CSMD1: variants seen among roughly 807,000 people sequenced by gnomAD.
CSMD1 encodes CUB and sushi domain-containing protein 1.
CSMD1 carries 213 observed loss-of-function variants against 417.5 expected under a neutral mutation model. The observed-to-expected ratio is 0.51, with a 90% CI of 0.46 to 0.57. The LOEUF (loss-of-function observed/expected upper bound fraction) is 0.57. CSMD1 is among the 20% of genes least tolerant of loss of function. The pLI is 0.00. For missense variants in CSMD1, 6,923 were observed against 4,529.7 expected, an observed-to-expected ratio of 1.53 and a Z score of -15.17; for synonymous variants, 2,862 against 1,736.8, an observed-to-expected ratio of 1.65 and a Z score of -16.11.
At chr8:2,994,171 A>AAAAAAAAAAG (rs1320139624) in intron 54 of CSMD1, among the ~76,000 whole-genome samples, 2 of 131,318 alleles carry the variant, frequency 1.5e-5, no homozygotes, top group African/African-American at 5.9e-5. Flanking sequence ...AAAAAAAAAA[A>AAAAAAAAAAG]GCAAGAAGAA....
chr8:4,213,615 T>A (rs1398470005), intron 3 of CSMD1, among the ~76,000 whole-genome samples: 2 of 152,218 alleles, frequency 1.3e-5, no homozygotes, highest in Non-Finnish European at 2.9e-5. Context: ...GCTTTCTGTT[T>A]TTAATGAATT....
intron 11 of CSMD1, among the ~76,000 whole-genome samples, chr8:3,471,041 G>C (rs879630060): frequency 6.6e-6 from 1 of 152,164 alleles, no homozygotes; most frequent in Non-Finnish European, 1.5e-5. Flanking sequence ...AAAAGCGCAA[G>C]AGGGCAATAG....
chr8:2,940,721 G>A (rs916489167), intron 69 of CSMD1, among the ~76,000 whole-genome samples: 4 of 152,182 alleles, frequency 2.6e-5, no homozygotes, highest in East Asian at 1.9e-4. Flanking sequence ...ATATAATTAT[G>A]TGGGGTTATC....
At chr8:4,004,806 G>C (rs368118092) in intron 4 of CSMD1, among the ~76,000 whole-genome samples, 1 of 151,534 alleles carries the variant, frequency 6.6e-6, no homozygotes, top group African/African-American at 2.4e-5. Context: ...GTGCAGTGGC[G>C]CGATCTTGGC....
rs72507694 is a variant in CSMD1, at chr8:4,865,505, A to G, written c.85+128827T>C. 6.5e-3 allele frequency among the ~76,000 whole-genome samples: 985 copies of G among 151,916 alleles called. 33 individuals are homozygous for G. In the East Asian group the frequency reaches 0.11, roughly 17 times the overall value. ...CAGTAGGTTTCCTCGTACTTTAAAC[A>G]TGATGCAACAATATATTAGAAAATC... is the stretch of plus-strand genomic sequence containing the variant. On this transcript the variant is annotated intron_variant, in intron 1 of 69. Transcript: ENST00000635120.
intron 3 of CSMD1, among the ~76,000 whole-genome samples, chr8:4,311,814 T>C (rs1453278473): frequency 1.3e-5 from 2 of 150,466 alleles, no homozygotes; most frequent in Non-Finnish European, 2.9e-5. Flanking sequence ...GCCTAGTGGA[T>C]GGTGGAGAGT....
intron 1 of CSMD1, among the ~76,000 whole-genome samples, chr8:4,972,115 A>C (rs1411587637): frequency 6.6e-6 from 1 of 152,172 alleles, no homozygotes; most frequent in Non-Finnish European, 1.5e-5. Flanking sequence ...GATAAAAGAA[A>C]GAGTAATATC....
intron 1 of CSMD1, among the ~76,000 whole-genome samples, chr8:4,805,994 T>G (rs924407671): frequency 3.9e-5 from 6 of 152,188 alleles, no homozygotes; most frequent in Non-Finnish European, 5.9e-5. Flanking sequence ...TCACACAAAC[T>G]AAATACTCAA....
intron 1 of CSMD1, among the ~76,000 whole-genome samples, chr8:4,711,713 T>G (rs1396437412): frequency 2.6e-5 from 4 of 152,174 alleles, no homozygotes; most frequent in Non-Finnish European, 5.9e-5. Flanking sequence ...AAAAACAATT[T>G]CAATATAATT....
intron 1 of CSMD1, among the ~76,000 whole-genome samples, chr8:4,791,491 C>G (rs191414889): frequency 6.6e-6 from 1 of 152,200 alleles, no homozygotes; most frequent in Non-Finnish European, 1.5e-5. Flanking sequence ...CCACAGCGCT[C>G]AAGGAGTAAC....
chr8:4,547,723 T>G (rs553541109), intron 2 of CSMD1, among the ~76,000 whole-genome samples: 1 of 152,358 alleles, frequency 6.6e-6, no homozygotes, highest in Admixed American at 6.5e-5. Flanking sequence ...GTAGAAGCTA[T>G]AAGCAGATGA....
chr8:4,668,237 G>A (rs1322929451), intron 1 of CSMD1, among the ~76,000 whole-genome samples: 1 of 151,758 alleles, frequency 6.6e-6, no homozygotes, highest in African/African-American at 2.4e-5. Context: ...GGGGCATTCC[G>A]TTGAAAAGCC....
At chr8:4,838,663 G>A (rs960618740) in intron 1 of CSMD1, among the ~76,000 whole-genome samples, 1 of 152,178 alleles carries the variant, frequency 6.6e-6, no homozygotes, top group Non-Finnish European at 1.5e-5. Flanking sequence ...CGCGGAGGTG[G>A]GATGAGAAGC....
At chr8:3,297,227 A>G (rs766011871) in intron 25 of CSMD1, among the ~76,000 whole-genome samples, 7 of 152,208 alleles carry the variant, frequency 4.6e-5, no homozygotes, top group Non-Finnish European at 8.8e-5. Context: ...AAAGTTCAGT[A>G]TTATAAAAGA....
chr8:4,722,582 G>C (rs1809129119), intron 1 of CSMD1, among the ~76,000 whole-genome samples: 1 of 152,084 alleles, frequency 6.6e-6, no homozygotes, highest in Non-Finnish European at 1.5e-5. Context: ...GAATGTCTGT[G>C]TTCCTTCTTG....
intron 9 of CSMD1, among the ~76,000 whole-genome samples, chr8:3,576,146 T>G (rs1343159771): frequency 1.3e-5 from 2 of 152,064 alleles, no homozygotes; most frequent in East Asian, 3.9e-4. Flanking sequence ...GCTACAAAAC[T>G]CAGCACAACA....
At chr8:3,592,567 G>C (rs1016357754) in intron 8 of CSMD1, among the ~76,000 whole-genome samples, 3 of 152,156 alleles carry the variant, frequency 2.0e-5, no homozygotes, top group African/African-American at 7.2e-5. Context: ...CAAAGGTTTA[G>C]AAATGTTGCT....
chr8:3,732,316 C>A (rs191011904), intron 6 of CSMD1, among the ~76,000 whole-genome samples: 2 of 152,298 alleles, frequency 1.3e-5, no homozygotes, highest in African/African-American at 4.8e-5. Context: ...TAATTTTGAT[C>A]AAGTCATTTA....
intron 10 of CSMD1, among the ~76,000 whole-genome samples, chr8:3,534,180 T>A (rs1052598846): frequency 1.3e-5 from 2 of 152,168 alleles, no homozygotes; most frequent in Non-Finnish European, 1.5e-5. Context: ...TCTCTTGGTG[T>A]TTCATCACTT....
Sources: gnomAD v4.1 joint callset for allele counts (sites outside exome capture counted in the v4.1 genomes callset) on GRCh38, gnomAD v4.1.1 for gene constraint, MANE v1.5 for transcripts, NCBI Gene and HGNC (gene_info 2026-07-23, HGNC 2026-07-21) for gene names.